CYTH3: variants seen among roughly 807,000 people sequenced by gnomAD.
CYTH3 encodes cytohesin 3.
A neutral mutation model predicts 55.1 loss-of-function variants in CYTH3; 23 were observed. The ratio of observed to expected loss-of-function variants is 0.42; its 90% CI spans 0.30 to 0.59. The LOEUF is 0.59. CYTH3 is among the 20% of genes least tolerant of loss of function. CYTH3 has a pLI of 0.20. For missense variants in CYTH3, 413 were observed against 524.8 expected (o/e 0.79, Z 2.08); for synonymous variants, 249 against 194.9 (o/e 1.28, Z -2.31).
chr7:6,226,628 A>G (rs1779258294), intron 1 of CYTH3, among the ~76,000 whole-genome samples: 1 of 152,110 alleles, frequency 6.6e-6, no homozygotes, highest in Middle Eastern at 3.4e-3. Flanking sequence ...CAACATTTCA[A>G]CCCGTGTTGT....
chr7:6,210,827 G>A (rs934536645), intron 1 of CYTH3, among the ~76,000 whole-genome samples: 1 of 152,108 alleles, frequency 6.6e-6, no homozygotes, highest in African/African-American at 2.4e-5. Context: ...AAACAGTTGG[G>A]CATATTGCCT....
intron 1 of CYTH3, among the ~76,000 whole-genome samples, chr7:6,226,022 C>A (rs947120145): frequency 6.6e-6 from 1 of 152,134 alleles, no homozygotes; most frequent in African/African-American, 2.4e-5. Flanking sequence ...AAATTTTTGT[C>A]TTTAAACAAA....
At chr7:6,197,457 C>T (rs1783961484) in intron 1 of CYTH3, among the ~76,000 whole-genome samples, 1 of 152,140 alleles carries the variant, frequency 6.6e-6, no homozygotes, top group East Asian at 1.9e-4. Flanking sequence ...CCGAAGTGGG[C>T]GGATCACCTA....
At chr7:6,237,581 G>A (rs974676540) in intron 1 of CYTH3, among the ~76,000 whole-genome samples, 2 of 152,018 alleles carry the variant, frequency 1.3e-5, no homozygotes, top group Non-Finnish European at 2.9e-5. Flanking sequence ...GGTGGCACGC[G>A]CCTGTTATCC....
At chr7:6,194,705 C>T (rs1783879644) in intron 1 of CYTH3, among the ~76,000 whole-genome samples, 4 of 150,284 alleles carry the variant, frequency 2.7e-5, no homozygotes, top group Admixed American at 2.6e-4. Context: ...AGGCCGGGCA[C>T]GTGGCTCACG....
intron 1 of CYTH3, among the ~76,000 whole-genome samples, chr7:6,198,944 AC>A (rs1784000616): frequency 6.6e-6 from 1 of 152,186 alleles, no homozygotes; most frequent in Non-Finnish European, 1.5e-5. Flanking sequence ...GGTTGGACAC[AC>A]TGGTTTATTT....
At chr7:6,229,814 C>T (rs1374216039) in intron 1 of CYTH3, among the ~76,000 whole-genome samples, 8 of 135,898 alleles carry the variant, frequency 5.9e-5, no homozygotes, top group Admixed American at 2.2e-4. Flanking sequence ...GAGACCCTGT[C>T]TCAAAAGAAA....
At chr7:6,265,449 A>T (rs1200903095) in intron 1 of CYTH3, among the ~76,000 whole-genome samples, 2 of 148,784 alleles carry the variant, frequency 1.3e-5, no homozygotes, top group Non-Finnish European at 3.0e-5. Flanking sequence ...GTATCTATTA[A>T]AAAAAAAAAA....
intron 1 of CYTH3, among the ~76,000 whole-genome samples, chr7:6,226,092 GC>G (rs1442262675): frequency 6.6e-6 from 1 of 152,060 alleles, no homozygotes; most frequent in Non-Finnish European, 1.5e-5. Context: ...CATGTCCCTA[GC>G]TTAGCAAACC....
chr7:6,204,330 G>A (rs1056791072), intron 1 of CYTH3, among the ~76,000 whole-genome samples: 1 of 152,138 alleles, frequency 6.6e-6, no homozygotes, highest in South Asian at 2.1e-4. Flanking sequence ...ATCTCTGGAG[G>A]TGCCTTCAAG....
intron 1 of CYTH3, among the ~76,000 whole-genome samples, chr7:6,251,080 G>T (rs1454508091): frequency 2.0e-5 from 3 of 152,162 alleles, no homozygotes; most frequent in African/African-American, 7.2e-5. Context: ...TTCAAGACCA[G>T]CCTGGCCAAC....
intron 1 of CYTH3, among the ~76,000 whole-genome samples, chr7:6,222,826 T>A (rs13226436): frequency 6.6e-6 from 1 of 151,532 alleles, no homozygotes; most frequent in Non-Finnish European, 1.5e-5. Flanking sequence ...TATTATAAAG[T>A]GTTCCACATT....
intron 1 of CYTH3, among the ~76,000 whole-genome samples, chr7:6,254,909 A>G (rs1007435607): frequency 1.3e-5 from 2 of 152,222 alleles, no homozygotes; most frequent in African/African-American, 4.8e-5. Flanking sequence ...GTAGATTTGA[A>G]CATTTTCAAA....
Position 6,216,705 on chromosome 7 carries a change from C to T in CYTH3, c.35-26174G>A, listed in dbSNP as rs900424991. On this transcript the variant is annotated intron_variant, in intron 1 of 12. Coordinates refer to ENST00000350796, the MANE Select transcript of CYTH3 (RefSeq NM_004227.4). ...GCAGTCAGCCAAGATCACACTACTGCACTCCAATCTGGGTGACAGGGTGAG... is the reference window on the plus strand; with the variant it reads ...GCAGTCAGCCAAGATCACACTACTGTACTCCAATCTGGGTGACAGGGTGAG... Among the ~76,000 whole-genome samples the T allele has an allele frequency of 3.3e-5, 5 of 152,092 alleles. No homozygotes were observed. The East Asian group carries it at 9.7e-4, about 29-fold the overall frequency.
chr7:6,251,955 G>A (rs1265343463), intron 1 of CYTH3, among the ~76,000 whole-genome samples: 1 of 152,164 alleles, frequency 6.6e-6, no homozygotes, highest in Non-Finnish European at 1.5e-5. Flanking sequence ...ATAAGTATGT[G>A]AAAATCACTA....
At chr7:6,182,787 G>C (rs1483861874) in intron 4 of CYTH3, among the ~76,000 whole-genome samples, 6 of 152,268 alleles carry the variant, frequency 3.9e-5, no homozygotes. Context: ...CAGGATTATA[G>C]GCATGAGCCG....
chr7:6,175,922 T>A (rs1327620170), intron 5 of CYTH3, among the ~76,000 whole-genome samples: 1 of 152,188 alleles, frequency 6.6e-6, no homozygotes, highest in South Asian at 2.1e-4. Context: ...TTTGGGTCCC[T>A]TGAATTTTCC....
intron 1 of CYTH3, among the ~76,000 whole-genome samples, chr7:6,209,157 C>A (rs1359026074): frequency 2.0e-5 from 3 of 152,268 alleles, no homozygotes; most frequent in Non-Finnish European, 4.4e-5. Context: ...CTTACTAGCT[C>A]TGCGCCTTTA....
chr7:6,169,638 A>G lies in CYTH3; in HGVS notation c.823+897T>C, dbSNP rs1023953731. Among the ~76,000 whole-genome samples, 1 of 152,216 alleles carries G rather than the reference A, an allele frequency of 6.6e-6. No homozygotes were observed. Among genetic ancestry groups the G allele is most frequent in the Non-Finnish European group, 1.5e-5 (1 of 68,042 alleles). On this transcript the variant is annotated intron_variant, in intron 9 of 12. Coordinates refer to ENST00000350796, the MANE Select transcript of CYTH3 (RefSeq NM_004227.4). This position sits in a 1 kb window ranked among gnomAD's most constrained non-coding sequence, Gnocchi z 4.1. ...ATCTCGCCCGCTTCACTGTGGGCAT[A>G]AGGCAACCATCCCCGCCCCGCAGGC...
Sources: allele counts gnomAD v4.1 joint callset (sites outside exome capture counted in the v4.1 genomes callset), GRCh38; gene constraint gnomAD v4.1.1; non-coding constraint Gnocchi (gnomAD v3.1); transcripts MANE v1.5; gene names NCBI Gene and HGNC (gene_info 2026-07-23, HGNC 2026-07-21).